Variants in SLC14A2 observed in about 807,000 individuals in gnomAD.
SLC14A2 encodes the protein urea transporter 2.
A neutral mutation model predicts 104.6 loss-of-function variants in SLC14A2; 91 were observed. That is an observed-to-expected ratio of 0.87 (90% CI 0.73 to 1.04). SLC14A2 has a LOEUF of 1.04. Ranked by LOEUF, SLC14A2 falls within the 50% of genes least tolerant of loss-of-function variation. The probability of loss-of-function intolerance (pLI) is 0.00; values close to 1 mark genes in which losing one functional copy is unlikely to be tolerated. For synonymous variants in SLC14A2, 476 were observed against 466.4 expected, an observed-to-expected ratio of 1.02 and a Z score of -0.27; for missense variants, 1,189 against 1,156.0, an observed-to-expected ratio of 1.03 and a Z score of -0.41.
At chr18:45,467,155 A>T (rs578025492) in intron 1 of SLC14A2, among the ~76,000 whole-genome samples, 4 of 152,190 alleles carry the variant, frequency 2.6e-5, no homozygotes, top group African/African-American at 9.6e-5. Flanking sequence ...TCACCAACAG[A>T]AAGGGATTAT....
At chr18:45,269,489 G>A (rs1192928833) in intron 1 of SLC14A2, among the ~76,000 whole-genome samples, 1 of 151,818 alleles carries the variant, frequency 6.6e-6, no homozygotes, top group Non-Finnish European at 1.5e-5. Flanking sequence ...ACAATTCACT[G>A]AGACTGCCTG....
At chr18:45,663,748 G>C in intron 10 of SLC14A2, 37 bp from the exon 11 acceptor site, 1 of 1,605,478 alleles carries the variant, frequency 6.2e-7, no homozygotes, top group Non-Finnish European at 8.5e-7. Context: ...TGCGGACTAG[G>C]TGGGACACTG....
In SLC14A2 at chr18:45,639,778, G is replaced by A. The variant is rs1389113194; in HGVS notation, c.876G>A (p.Gln292=). 3.7e-6 allele frequency: 6 copies of A among 1,613,990 alleles called. No individual in the cohort carries two copies. The highest frequency in any genetic ancestry group is 5.1e-6 in the Non-Finnish European group (6 of 1,179,988). ...LLQAIPVGVG[Q]VYGCDNPWTG... ...AAGCCATCCCTGTTGGGGTCGGCCA[G>A]GTGTATGGCTGTGACAATCCCTGGA... is the stretch of plus-strand genomic sequence containing the variant. Residue 292 remains glutamine, a synonymous_variant, in exon 7 of 20, where the codon CAG becomes CAA. Coordinates refer to ENST00000255226, the MANE Select transcript of SLC14A2 (RefSeq NM_007163.4).
intron 1 of SLC14A2, among the ~76,000 whole-genome samples, chr18:45,422,644 G>A (rs2086365763): frequency 6.6e-6 from 1 of 152,170 alleles, no homozygotes; most frequent in South Asian, 2.1e-4. Context: ...AGGCCTCTGG[G>A]GAGGATCCTA....
intron 1 of SLC14A2, among the ~76,000 whole-genome samples, chr18:45,402,633 C>T (rs1184281629): frequency 3.3e-5 from 5 of 152,154 alleles, no homozygotes; most frequent in Non-Finnish European, 7.3e-5. Context: ...ATCATTGTGC[C>T]TTGGCACTCT....
At position 45,217,589 on chromosome 18, in the gene SLC14A2, T is replaced by C. The variant is rs77628496; in HGVS notation, c.-125+4398T>C. On this transcript the variant is annotated intron_variant, in intron 1 of 20. Coordinates refer to the SLC14A2 transcript ENST00000586448. ...TCTTCCTCCCCCACATCCCTAGAGA[T>C]CTGTATTTATAACTCATGCACATTT... 3.2e-4 allele frequency among the ~76,000 whole-genome samples: 49 copies of C among 152,282 alleles called. No homozygotes were observed. The East Asian group carries it at 8.7e-3, about 27-fold the overall frequency.
At chr18:45,499,803 C>T (rs2043162701) in intron 2 of SLC14A2, among the ~76,000 whole-genome samples, 1 of 152,142 alleles carries the variant, frequency 6.6e-6, no homozygotes, top group South Asian at 2.1e-4. Context: ...TCATAGGTAT[C>T]TTAGCTACCT....
intron 1 of SLC14A2, among the ~76,000 whole-genome samples, chr18:45,413,171 A>C (rs2086232876): frequency 6.6e-6 from 1 of 152,224 alleles, no homozygotes; most frequent in Admixed American, 6.5e-5. Context: ...ATAATTACAC[A>C]GAGTAGCTTA....
At chr18:45,674,763 G>A (rs560257370) in intron 18 of SLC14A2, among the ~76,000 whole-genome samples, 78 of 152,314 alleles carry the variant, frequency 5.1e-4, no homozygotes, top group South Asian at 2.3e-3. Flanking sequence ...ACGAGGAAAA[G>A]TTGTGTCAAA....
In SLC14A2 at chr18:45,632,431, C is replaced by T; in HGVS notation, c.603C>T (p.Asp201=). The T allele has an allele frequency of 2.5e-6, 4 of 1,614,100 alleles. No individual in the cohort carries two copies. The highest frequency in any genetic ancestry group is 1.7e-6 in the Non-Finnish European group (2 of 1,179,986). Reference sequence around the variant, plus strand: ...TGGCCGTGTTCTCGGAGAAGTTAGACTACTACTGGTGGCTTCTGTTTCCTG... The same window carrying T: ...TGGCCGTGTTCTCGGAGAAGTTAGATTACTACTGGTGGCTTCTGTTTCCTG... ...LLMAVFSEKL[D]YYWWLLFPVT... is the part of the protein sequence containing the mutation. The change falls in exon 5 of 20, where the codon GAC becomes GAT. Residue 201 remains aspartate (D), a synonymous_variant. Coordinates refer to ENST00000255226, the MANE Select transcript of SLC14A2 (RefSeq NM_007163.4).
At chr18:45,475,648 T>TTTA (rs1568227873) in intron 1 of SLC14A2, among the ~76,000 whole-genome samples, 1 of 12,026 alleles carries the variant, frequency 8.3e-5, no homozygotes, top group Non-Finnish European at 1.6e-4. Context: ...TTAGGATATA[T>TTTA]ATATATATAT....
In SLC14A2 at chr18:45,557,845, C is replaced by T. The variant is rs144705331; in HGVS notation, c.-34-66786C>T. Among the ~76,000 whole-genome samples, 174 of 152,238 alleles carry T rather than the reference C, an allele frequency of 1.1e-3. 1 individual carries two copies. The highest frequency in any genetic ancestry group is 2.2e-3 in the Admixed American group (34 of 15,298). On this transcript the variant is annotated intron_variant, in intron 2 of 20. Coordinates refer to the SLC14A2 transcript ENST00000586448. ...CATTCACACCCTAAAGCAGGTTAGG[C>T]ACTTAGGAGAGACCCTTCCTAGACT...
intron 1 of SLC14A2, among the ~76,000 whole-genome samples, chr18:45,354,535 C>T (rs1373005764): frequency 6.6e-6 from 1 of 152,242 alleles, no homozygotes; most frequent in Non-Finnish European, 1.5e-5. Context: ...AGCAGACAAG[C>T]TTGCAAGCGT....
Position 45,527,623 on chromosome 18 carries a change from AAAGTCTCAGGTT to A in SLC14A2, c.-35+44306_-35+44317del, listed in dbSNP as rs532157366. Among the ~76,000 whole-genome samples, 26 of 152,312 alleles carry A rather than the reference AAAGTCTCAGGTT, an allele frequency of 1.7e-4. 1 individual carries two copies. In the East Asian group the frequency reaches 4.8e-3, roughly 28 times the overall value. On this transcript the variant is annotated intron_variant, in intron 2 of 20. Coordinates refer to the SLC14A2 transcript ENST00000586448. ...GGGAAGGATGTGGCATTTGGAGTCC[AAAGTCTCAGGTT>A]AAGTTCTAGCCTGGATACTTATAGC...
intron 1 of SLC14A2, among the ~76,000 whole-genome samples, chr18:45,279,834 A>G (rs2084743269): frequency 6.6e-6 from 1 of 152,182 alleles, no homozygotes; most frequent in Non-Finnish European, 1.5e-5. Flanking sequence ...TCAGTGAAGA[A>G]TCCACTCTGC....
At position 45,668,409 on chromosome 18, in the gene SLC14A2, C is replaced by T. The variant is rs760709988; in HGVS notation, c.1968C>T (p.Ala656=). 49 of 1,614,002 alleles carry T rather than the reference C, an allele frequency of 3.0e-5. No homozygotes were observed. The South Asian group carries it at 3.7e-4, about 12-fold the overall frequency. The change falls in exon 15 of 20, where the codon GCC becomes GCT. Residue 656 remains alanine, a synonymous_variant. Coordinates refer to ENST00000255226, the MANE Select transcript of SLC14A2 (RefSeq NM_007163.4). ...YNGVLVGLLM[A]VFSDKGDYYW... ...GGGTGCTGGTGGGGCTGCTGATGGC[C>T]GTGTTCTCAGACAAAGGTGACTACT...
At chr18:45,238,763 A>G (rs915654570) in intron 1 of SLC14A2, among the ~76,000 whole-genome samples, 1 of 152,228 alleles carries the variant, frequency 6.6e-6, no homozygotes, top group African/African-American at 2.4e-5. Flanking sequence ...ACTAACGGCA[A>G]TGTTGGCAGG....
At chr18:45,407,803 A>G (rs766148733) in intron 1 of SLC14A2, among the ~76,000 whole-genome samples, 1 of 152,224 alleles carries the variant, frequency 6.6e-6, no homozygotes, top group Non-Finnish European at 1.5e-5. Context: ...CAGAACACAC[A>G]CAACATTTAT....
chr18:45,265,353 C>T (rs1183336897), intron 1 of SLC14A2, among the ~76,000 whole-genome samples: 2 of 152,132 alleles, frequency 1.3e-5, no homozygotes. Context: ...CTTAGAATGG[C>T]CCAACAATTA....
Sources: allele counts gnomAD v4.1 joint callset (sites outside exome capture counted in the v4.1 genomes callset), GRCh38; gene constraint gnomAD v4.1.1; transcripts MANE v1.5; gene names NCBI Gene and HGNC (gene_info 2026-07-23, HGNC 2026-07-21).